Variants in SF3A1 observed in about 807,000 individuals in gnomAD.
SF3A1 encodes SAP 114.
In SF3A1, 13 loss-of-function variants were observed where a neutral mutation model predicts 89.9. The ratio of observed to expected loss-of-function variants is 0.14; its 90% confidence interval spans 0.09 to 0.23. The LOEUF (loss-of-function observed/expected upper bound fraction) is 0.23, where lower values mean the gene tolerates loss of function less well. SF3A1 is among the 10% of genes least tolerant of loss of function. The pLI is 1.00. For missense variants in SF3A1, 604 were observed against 1,022.1 expected, an observed-to-expected ratio of 0.59 and a Z score of 5.58; for synonymous variants, 405 against 374.4, an observed-to-expected ratio of 1.08 and a Z score of -0.94.
chr22:30,337,789 G>A lies in SF3A1; in HGVS notation c.1852C>T (p.Pro618Ser). 3 of 1,598,380 alleles carry A rather than the reference G, an allele frequency of 1.9e-6. No individual in the cohort carries two copies. The highest frequency in any genetic ancestry group is 1.7e-4 in the Middle Eastern group (1 of 5,964). Residue 618 changes from proline (P) to serine (S), a missense_variant, in exon 12 of 16, where the codon CCG becomes TCG. Around this residue, in one of 9 missense-constraint regions of SF3A1, gnomAD observed 85 missense variants for 137.3 expected, o/e 0.62. Transcript: ENST00000215793. ...LPPGSVIAPM[P>S]PIIHAPRINV... ...ATTCTGGGCGCGTGGATGATGGGCGGCATGGGGGCGATCACTGAGCCTGGG... is the reference window on the plus strand; with the variant it reads ...ATTCTGGGCGCGTGGATGATGGGCGACATGGGGGCGATCACTGAGCCTGGG...
At position 30,345,149 on chromosome 22, in the gene SF3A1, C is replaced by A. The variant is rs1931380561; in HGVS notation, c.435G>T (p.Glu145Asp). Residue 145 changes from glutamate (E) to aspartate (D), a missense_variant, in exon 4 of 16, where the codon GAG becomes GAT. Physicochemically the swap from Glu to Asp is conservative, Grantham distance 45. Transcript: ENST00000215793. ...QVIQETIVPK[E>D]PPPEFEFIAD... ...CAATGAACTCAAACTCAGGAGGAGGCTCTTTGGGCACGATGGTCTCTTGGA... is the reference window on the plus strand; with the variant it reads ...CAATGAACTCAAACTCAGGAGGAGGATCTTTGGGCACGATGGTCTCTTGGA... 1 of 1,614,062 alleles carries A rather than the reference C, an allele frequency of 6.2e-7. No individual in the cohort carries two copies. Among genetic ancestry groups the A allele is most frequent in the South Asian group, 1.1e-5 (1 of 91,076 alleles).
intron 1 of SF3A1, among the ~76,000 whole-genome samples, chr22:30,354,219 C>A (rs539869846): frequency 6.6e-6 from 1 of 152,104 alleles, no homozygotes; most frequent in Non-Finnish European, 1.5e-5. Context: ...TCTTTTCTGC[C>A]GCTGCCTTCT....
At chr22:30,342,958 A>G (rs753825528) in intron 4 of SF3A1, 79 bp from the exon 5 acceptor site, 15 of 881,174 alleles carry the variant, frequency 1.7e-5, no homozygotes, top group Non-Finnish European at 2.6e-5. Flanking sequence ...GGCCTGTGAT[A>G]AAGCACAGGA....
At chr22:30,353,132 C>T in intron 1 of SF3A1, 60 bp from the exon 2 acceptor site, 1 of 1,588,976 alleles carries the variant, frequency 6.3e-7, no homozygotes, top group South Asian at 1.1e-5. Flanking sequence ...AGGTTCTCCA[C>T]TGTAAAACTC....
chr22:30,340,146 T>A, intron 9 of SF3A1, 50 bp downstream of exon 9: 2 of 1,395,778 alleles, frequency 1.4e-6, no homozygotes, highest in Non-Finnish European at 1.9e-6. Flanking sequence ...TAGAAGAAGA[T>A]GGCTGTAATT....
chr22:30,342,435 G>A, intron 5 of SF3A1, 85 bp from the exon 6 acceptor site: 1 of 1,425,068 alleles, frequency 7.0e-7, no homozygotes, highest in Non-Finnish European at 9.5e-7. Context: ...TTTCATCAAA[G>A]TCAGCGCCTC....
At chr22:30,345,904 G>A (rs1349176367) in intron 3 of SF3A1, among the ~76,000 whole-genome samples, 1 of 152,154 alleles carries the variant, frequency 6.6e-6, no homozygotes, top group Non-Finnish European at 1.5e-5. Context: ...AGAGATAGAA[G>A]GGAAGGGATG....
chr22:30,344,597 T>C lies in SF3A1; in HGVS notation c.651+336A>G, dbSNP rs565604784. On this transcript the variant is annotated intron_variant, in intron 4 of 15. Coordinates refer to ENST00000215793, the MANE Select transcript of SF3A1 (RefSeq NM_005877.6). The stretch of plus-strand genomic sequence containing the variant: ...GGTAAAAGGAGGCAACTCTTAAAGG[T>C]TGGCTTCTTCTCAGGGCCTTACTAG... Among the ~76,000 whole-genome samples, 11 of 152,316 alleles carry C rather than the reference T, an allele frequency of 7.2e-5. No individual in the cohort carries two copies. In the East Asian group the frequency reaches 1.2e-3, roughly 16 times the overall value.
At chr22:30,337,208 T>C (rs1241777813) in intron 12 of SF3A1, 28 bp from the exon 13 acceptor site, 3 of 1,584,142 alleles carry the variant, frequency 1.9e-6, no homozygotes, top group South Asian at 1.2e-5. Flanking sequence ...AGCAGCCCCA[T>C]GAGAGGGCAG....
At chr22:30,340,955 C>T in intron 7 of SF3A1, 143 bp from the exon 8 acceptor site, 1 of 609,596 alleles carries the variant, frequency 1.6e-6, no homozygotes, top group Non-Finnish European at 2.9e-6. Context: ...GCAGCTGAGG[C>T]CAGCCGGCAG....
Position 30,346,979 on chromosome 22 carries a change from T to C in SF3A1, c.186-460A>G, listed in dbSNP as rs117815991. Reference sequence around the variant, plus strand: ...TGGAAGTTTGCTGAGACTAATTCTCTTAGTTCAAAGGGGTAGCAAGTGCTG... The same window carrying C: ...TGGAAGTTTGCTGAGACTAATTCTCCTAGTTCAAAGGGGTAGCAAGTGCTG... On this transcript the variant is annotated intron_variant, in intron 2 of 15. Transcript: ENST00000215793. 5.4e-3 allele frequency among the ~76,000 whole-genome samples: 829 copies of C among 152,326 alleles called. 11 individuals carry two copies. The highest frequency in any genetic ancestry group is 0.027 in the Middle Eastern group (8 of 294).
chr22:30,337,254 G>A, intron 12 of SF3A1, 74 bp from the exon 13 acceptor site: 2 of 1,414,236 alleles, frequency 1.4e-6, no homozygotes, highest in Non-Finnish European at 1.9e-6. Flanking sequence ...GAGAAGTTGA[G>A]AGGGAAGGTT....
At chr22:30,335,346 A>T in intron 15 of SF3A1, 121 bp downstream of exon 15, 2 of 855,874 alleles carry the variant, frequency 2.3e-6, no homozygotes, top group Non-Finnish European at 3.9e-6. Flanking sequence ...TCTAGGATGG[A>T]TTCAGATGGC....
At position 30,345,182 on chromosome 22, in the gene SF3A1, G is replaced by C. The variant is rs1931381768; in HGVS notation, c.402C>G (p.Ala134=). The change falls in exon 4 of 16, where the codon GCC becomes GCG. Residue 134 remains alanine, a synonymous_variant. Coordinates refer to ENST00000215793, the MANE Select transcript of SF3A1 (RefSeq NM_005877.6). The part of the protein sequence containing the change: ...TQQQLPQKVQ[A]QVIQETIVPK... ...GCACGATGGTCTCTTGGATTACTTG[G>C]GCTTGGACCTAAGATGCAAAGGGAG... The C allele has an allele frequency of 1.2e-6, 2 of 1,613,056 alleles. No homozygotes were observed. The highest frequency in any genetic ancestry group is 1.7e-6 in the Non-Finnish European group (2 of 1,179,098).
intron 15 of SF3A1, 70 bp from the exon 16 acceptor site, chr22:30,334,765 T>G: frequency 9.2e-7 from 1 of 1,087,798 alleles, no homozygotes; most frequent in Non-Finnish European, 1.4e-6. Context: ...ACCTTACAAC[T>G]GTGCACTTGG....
chr22:30,340,372 G>A lies in SF3A1; in HGVS notation c.1199C>T (p.Pro400Leu). Residue 400 changes from proline (P) to leucine (L), a missense_variant, in exon 9 of 16, where the codon CCC (proline) becomes CTC (leucine). Coordinates refer to ENST00000215793, the MANE Select transcript of SF3A1 (RefSeq NM_005877.6). ...ATCTGGAGCAGGGGCTGGAGGCAAG[G>A]GCTTGGAGGCTAAAAGGAAACAGAT... ...RKDYDPKASK[P>L]LPPAPAPDEY... The A allele has an allele frequency of 6.2e-7, 1 of 1,611,528 alleles. No homozygotes were observed. Among genetic ancestry groups the A allele is most frequent in the East Asian group, 2.2e-5 (1 of 44,850 alleles).
At chr22:30,342,404 T>C (rs996980767) in intron 5 of SF3A1, 54 bp from the exon 6 acceptor site, 4 of 1,542,504 alleles carry the variant, frequency 2.6e-6, no homozygotes, top group African/African-American at 2.7e-5. Context: ...CTGCTCCTGA[T>C]GAGGCTACCA....
chr22:30,351,961 T>G (rs910655970), intron 2 of SF3A1, among the ~76,000 whole-genome samples: 3 of 152,176 alleles, frequency 2.0e-5, no homozygotes, highest in Non-Finnish European at 4.4e-5. Context: ...AGTAAAAAAA[T>G]TCCATCTAAG....
chr22:30,337,553 T>C (rs1050874707), intron 12 of SF3A1, 137 bp downstream of exon 12: 4 of 702,330 alleles, frequency 5.7e-6, no homozygotes, highest in South Asian at 1.5e-5. Context: ...GATCTTTCAA[T>C]GGGAAGCCAG....
Sources: gnomAD v4.1 joint callset for allele counts (sites outside exome capture counted in the v4.1 genomes callset) on GRCh38, gnomAD v4.1.1 for gene constraint, gnomAD v4.1.1 regional missense constraint, MANE v1.5 for transcripts, NCBI Gene and HGNC (gene_info 2026-07-23, HGNC 2026-07-21) for gene names.